MYO1B: variants seen among roughly 807,000 people sequenced by gnomAD.
MYO1B encodes myosin IB, also known as unconventional myosin-Ib.
Under a neutral mutation model 159.7 loss-of-function variants are expected in MYO1B, and 72 were observed. That is an observed-to-expected ratio of 0.45 (90% confidence interval 0.37 to 0.55). MYO1B has a LOEUF of 0.55. MYO1B is among the 20% of genes least tolerant of loss of function. The pLI is 0.00. For synonymous variants in MYO1B, 468 were observed against 473.8 expected (o/e 0.99, Z 0.16); for missense variants, 1,062 against 1,364.8 (o/e 0.78, Z 3.50).
In MYO1B at chr2:191,262,611, TTC is replaced by T. The variant is rs1686889246; in HGVS notation, c.-9-14269_-9-14268del. Among the ~76,000 whole-genome samples the T allele has an allele frequency of 6.5e-5, 4 of 61,088 alleles. No homozygotes were observed. In the South Asian group the frequency reaches 3.3e-3, roughly 50 times the overall value. 40.1% of individuals were successfully genotyped at this position (61,088 alleles called of 152,430 possible). On this transcript the variant is annotated intron_variant, in intron 1 of 30. Coordinates refer to ENST00000392318, the MANE Select transcript of MYO1B (RefSeq NM_001130158.3). ...ATGCGCTGGTTAGGCTATGTAATGC[TTC>T]TCTCTCCCCGCCCACCCATTCCCAC...
intron 13 of MYO1B, among the ~76,000 whole-genome samples, chr2:191,380,842 G>C (rs1312788354): frequency 6.6e-6 from 1 of 152,154 alleles, no homozygotes; most frequent in Non-Finnish European, 1.5e-5. Flanking sequence ...TAGGTGTGAG[G>C]TGCTGTGTAA....
intron 30 of MYO1B, among the ~76,000 whole-genome samples, chr2:191,419,370 C>T (rs1392099153): frequency 6.6e-6 from 1 of 152,080 alleles, no homozygotes; most frequent in East Asian, 1.9e-4. Flanking sequence ...AGCTGCCCGC[C>T]ACCACGCCCG....
intron 2 of MYO1B, among the ~76,000 whole-genome samples, chr2:191,288,976 C>T (rs1321123700): frequency 1.3e-5 from 2 of 152,166 alleles, no homozygotes; most frequent in African/African-American, 4.8e-5. Context: ...TAGACTAATT[C>T]GTATTAAGAT....
intron 26 of MYO1B, among the ~76,000 whole-genome samples, chr2:191,409,542 A>G (rs1372787275): frequency 1.3e-5 from 2 of 152,268 alleles, no homozygotes; most frequent in African/African-American, 4.8e-5. Context: ...ACCTTCAGGC[A>G]ACATAGTTAA....
chr2:191,381,271 C>T, intron 13 of MYO1B, 191 bp from the exon 14 acceptor site: 2 of 659,810 alleles, frequency 3.0e-6, no homozygotes, highest in South Asian at 3.3e-5. Context: ...TTCATTCATT[C>T]ACTTACTCAT....
chr2:191,386,027 C>G lies in MYO1B; in HGVS notation c.1497C>G (p.Phe499Leu), dbSNP rs1434387214. The G allele has an allele frequency of 2.5e-6, 4 of 1,614,020 alleles. No individual in the cohort carries two copies. Among genetic ancestry groups the G allele is most frequent in the Non-Finnish European group, 3.4e-6 (4 of 1,180,022 alleles). The change falls in exon 16 of 31, where the codon TTC (phenylalanine) becomes TTG (leucine). Residue 499 changes from phenylalanine (F) to leucine (L), a missense_variant. This residue lies in a region of MYO1B where 26 missense variants were observed against 26.9 expected (regional missense o/e 0.97). Coordinates refer to ENST00000392318, the MANE Select transcript of MYO1B (RefSeq NM_001130158.3). ...FESRMSKCSR[F>L]LNDTSLPHSC... ...GCAGGATGAGCAAGTGCTCTCGGTT[C>G]CTCAATGACACGTCTCTGCCTCACA...
chr2:191,409,280 C>A, intron 26 of MYO1B, 102 bp downstream of exon 26: 2 of 1,296,764 alleles, frequency 1.5e-6, no homozygotes, highest in Non-Finnish European at 2.2e-6. Flanking sequence ...TCCTTTGCCT[C>A]AAAGAGGATT....
At position 191,358,133 on chromosome 2, in the gene MYO1B, C is replaced by G. The variant is rs1407048086; in HGVS notation, c.563-2498C>G. 2.6e-5 allele frequency among the ~76,000 whole-genome samples: 4 copies of G among 151,966 alleles called. No individual in the cohort carries two copies. In the South Asian group the frequency reaches 8.3e-4, roughly 32 times the overall value. ...TTTTTTGGCTGGAAAATTATAAAGA[C>G]TGTAAGCATGATACCTAGTCACCCA... On this transcript the variant is annotated intron_variant, in intron 7 of 30. Transcript: ENST00000392318.
chr2:191,347,049 A>C (rs1051254987), intron 6 of MYO1B, among the ~76,000 whole-genome samples: 1 of 152,208 alleles, frequency 6.6e-6, no homozygotes, highest in African/African-American at 2.4e-5. Context: ...ATAAAAGATC[A>C]TTTGTTTAAT....
intron 13 of MYO1B, among the ~76,000 whole-genome samples, chr2:191,373,330 T>C (rs1694495016): frequency 6.6e-6 from 1 of 152,172 alleles, no homozygotes; most frequent in Non-Finnish European, 1.5e-5. Context: ...CAGCAACCTT[T>C]TTAAAGCTCT....
chr2:191,303,736 T>A (rs908641848), intron 3 of MYO1B, among the ~76,000 whole-genome samples: 2 of 152,138 alleles, frequency 1.3e-5, no homozygotes, highest in African/African-American at 4.8e-5. Flanking sequence ...AGGATATTCT[T>A]ATAAAACCCC....
chr2:191,266,801 ATGT>A (rs72263026), intron 1 of MYO1B, among the ~76,000 whole-genome samples: 5,978 of 152,306 alleles, frequency 0.039, 394 homozygotes, highest in African/African-American at 0.14. Flanking sequence ...AAAACCTTCC[ATGT>A]TGTTATAGCA....
intron 4 of MYO1B, among the ~76,000 whole-genome samples, chr2:191,337,811 T>C (rs1442916943): frequency 6.6e-6 from 1 of 152,194 alleles, no homozygotes; most frequent in East Asian, 1.9e-4. Flanking sequence ...CTTTGAAATA[T>C]GGTGGATGAT....
Position 191,313,192 on chromosome 2 carries a change from C to CTTTTTT in MYO1B, c.252-16713_252-16708dup, listed in dbSNP as rs762175060. ...TAGTTATAATATCTGGCACACATGG[C>CTTTTTT]TTTTTTTTTTTTTTTTTTTTTTTTT... On this transcript the variant is annotated intron_variant, in intron 3 of 30. Transcript: ENST00000392318. Among the ~76,000 whole-genome samples, 300 of 43,010 alleles carry CTTTTTT rather than the reference C, an allele frequency of 7.0e-3. 56 individuals carry two copies. Among genetic ancestry groups the CTTTTTT allele is most frequent in the Non-Finnish European group, 8.4e-3 (225 of 26,756 alleles). 28.2% of individuals were successfully genotyped at this position (43,010 alleles called of 152,430 possible). A position where few individuals can be genotyped will look rare whatever the true frequency, so the allele number is the denominator to read the frequency against.
At chr2:191,310,175 T>G (rs568985947) in intron 3 of MYO1B, among the ~76,000 whole-genome samples, 26 of 152,260 alleles carry the variant, frequency 1.7e-4, no homozygotes, top group Non-Finnish European at 3.7e-4. Flanking sequence ...TCAGAAATTC[T>G]GAAGATGCCA....
At position 191,256,698 on chromosome 2, in the gene MYO1B, A is replaced by C. The variant is rs114437801; in HGVS notation, c.-10+11072A>C. ...ACCTGGTTATGTTACCTCTGTACTA[A>C]TAATATAATAAAATTATTTGAAGAA... On this transcript the variant is annotated intron_variant, in intron 1 of 30. Coordinates refer to ENST00000392318, the MANE Select transcript of MYO1B (RefSeq NM_001130158.3). Among the ~76,000 whole-genome samples the C allele has an allele frequency of 6.2e-3, 941 of 152,302 alleles. 10 individuals carry two copies. Among genetic ancestry groups the C allele is most frequent in the African/African-American group, 0.021 (888 of 41,560 alleles).
At chr2:191,300,300 A>AAG (rs1391595577) in intron 3 of MYO1B, among the ~76,000 whole-genome samples, 2 of 151,750 alleles carry the variant, frequency 1.3e-5, no homozygotes, top group East Asian at 3.9e-4. Flanking sequence ...AACTTTGCCA[A>AAG]TTAACTTACC....
chr2:191,424,702 T>C lies in MYO1B; in HGVS notation c.*742T>C, dbSNP rs1490967166. The stretch of plus-strand genomic sequence containing the variant: ...AGTAGAAAATAGAAGTCATTCTTAT[T>C]TTAGAAAAAGTGACAGAAGCAGTCC... On this transcript the variant is annotated 3_prime_UTR_variant, in exon 31 of 31. Transcript: ENST00000392318. 3.9e-5 allele frequency: 6 copies of C among 152,244 alleles called. No individual in the cohort carries two copies. Among genetic ancestry groups the C allele is most frequent in the African/African-American group, 1.4e-4 (6 of 41,454 alleles). The allele number at this position is 152,244 out of a possible 1,614,324, so 9.4% of individuals were successfully genotyped here.
At position 191,300,563 on chromosome 2, in the gene MYO1B, C is replaced by T. The variant is rs143379318; in HGVS notation, c.251+4337C>T. Among the ~76,000 whole-genome samples the T allele has an allele frequency of 2.8e-3, 413 of 150,126 alleles. 3 individuals are homozygous for T. Among genetic ancestry groups the T allele is most frequent in the African/African-American group, 9.7e-3 (397 of 40,882 alleles). On this transcript the variant is annotated intron_variant, in intron 3 of 30. Coordinates refer to ENST00000392318, the MANE Select transcript of MYO1B (RefSeq NM_001130158.3). Reference sequence around the variant, plus strand: ...TTCACCATATTGGCCAGGCTGGTCTCGAACTCCTGACCTCATGATCTACCC... The same window carrying T: ...TTCACCATATTGGCCAGGCTGGTCTTGAACTCCTGACCTCATGATCTACCC...
Sources: allele counts gnomAD v4.1 joint callset (sites outside exome capture counted in the v4.1 genomes callset), GRCh38; gene constraint gnomAD v4.1.1; regional missense constraint gnomAD v4.1.1; transcripts MANE v1.5; gene names NCBI Gene and HGNC (gene_info 2026-07-23, HGNC 2026-07-21).